PARD3: variants seen among roughly 807,000 people sequenced by gnomAD.
The protein encoded by PARD3 is par-3 family cell polarity regulator, also known as partitioning defective 3 homolog.
Under a neutral mutation model 155.4 loss-of-function variants are expected in PARD3, and 75 were observed. The ratio of observed to expected loss-of-function variants is 0.48; its 90% CI spans 0.40 to 0.58. The LOEUF (loss-of-function observed/expected upper bound fraction) is 0.58. Among genes scored for constraint, PARD3 ranks in the 20% least tolerant of loss-of-function variants. PARD3 has a pLI of 0.00. For missense variants in PARD3, 1,642 were observed against 1,721.7 expected (o/e 0.95, Z 0.82); for synonymous variants, 576 against 610.5 (o/e 0.94, Z 0.83).
chr10:34,383,802 T>C (rs1282156246), intron 8 of PARD3, among the ~76,000 whole-genome samples: 2 of 152,146 alleles, frequency 1.3e-5, no homozygotes, highest in Non-Finnish European at 2.9e-5. Flanking sequence ...AGAGAAACTG[T>C]GTGCAGCAAA....
At chr10:34,347,111 T>C (rs1204019195) in intron 15 of PARD3, among the ~76,000 whole-genome samples, 1 of 152,254 alleles carries the variant, frequency 6.6e-6, no homozygotes, top group Non-Finnish European at 1.5e-5. Context: ...GTACTCAAAA[T>C]GGAGTTAAAT....
At chr10:34,671,657 GGTAAAATGCTTGCCAAAATAAGATTATAT>G (rs1247317740) in intron 2 of PARD3, among the ~76,000 whole-genome samples, 3 of 152,056 alleles carry the variant, frequency 2.0e-5, no homozygotes, top group Admixed American at 2.0e-4. Flanking sequence ...AACTGAAAGG[GGTAAAATGCTTGCCAAAATAAGATTATAT>G]GTATTTCCAC....
chr10:34,509,742 T>C (rs1172822988), intron 3 of PARD3, among the ~76,000 whole-genome samples: 2 of 152,150 alleles, frequency 1.3e-5, no homozygotes, highest in Non-Finnish European at 2.9e-5. Context: ...ATAGCTCTTC[T>C]GCTTTGCAAA....
At chr10:34,144,518 A>T (rs1948360988) in intron 22 of PARD3, among the ~76,000 whole-genome samples, 1 of 152,240 alleles carries the variant, frequency 6.6e-6, no homozygotes, top group Admixed American at 6.5e-5. Context: ...GTAAGTTGCC[A>T]GTATGAATCT....
chr10:34,638,597 C>T (rs1319782296), intron 2 of PARD3, among the ~76,000 whole-genome samples: 1 of 152,236 alleles, frequency 6.6e-6, no homozygotes, highest in Non-Finnish European at 1.5e-5. Flanking sequence ...CAGGCTCACT[C>T]AGCTGCCAGC....
chr10:34,235,784 G>C (rs34667570), intron 22 of PARD3, among the ~76,000 whole-genome samples: 5 of 152,296 alleles, frequency 3.3e-5, no homozygotes, highest in Admixed American at 3.3e-4. Flanking sequence ...GCTTTTGCAT[G>C]TCTTTTATAT....
At position 34,666,217 on chromosome 10, in the gene PARD3, C is replaced by CAAA. The variant is rs72060788; in HGVS notation, c.222+30098_222+30100dup. ...CCTGGATGACAGAGCAAGATCTTAT[C>CAAA]AAAAAAAAAAAAGCCAATTCTCAAA... On this transcript the variant is annotated intron_variant, in intron 2 of 24. Coordinates refer to ENST00000374788, the MANE Select transcript of PARD3 (RefSeq NM_001184785.2). Among the ~76,000 whole-genome samples the CAAA allele has an allele frequency of 1.4e-3, 171 of 119,736 alleles. 1 individual carries two copies. Among genetic ancestry groups the CAAA allele is most frequent in the South Asian group, 9.8e-3 (35 of 3,562 alleles). 78.6% of individuals were successfully genotyped at this position (119,736 alleles called of 152,430 possible).
chr10:34,274,610 C>A (rs1345958720), intron 21 of PARD3, among the ~76,000 whole-genome samples: 1 of 152,080 alleles, frequency 6.6e-6, no homozygotes, highest in Non-Finnish European at 1.5e-5. Flanking sequence ...TCACATAAGT[C>A]TTGAAGTTTG....
intron 22 of PARD3, among the ~76,000 whole-genome samples, chr10:34,143,377 T>C (rs985637671): frequency 6.6e-6 from 1 of 152,186 alleles, no homozygotes; most frequent in Admixed American, 6.5e-5. Context: ...CAAAACCTGA[T>C]GGGTTTTGAT....
chr10:34,303,068 TTAAA>T (rs1564564361), intron 20 of PARD3, among the ~76,000 whole-genome samples: 1 of 47,436 alleles, frequency 2.1e-5, no homozygotes, highest in African/African-American at 1.1e-4. Flanking sequence ...AAACCAAGTT[TTAAA>T]AAAAAAAAAA....
At position 34,584,927 on chromosome 10, in the gene PARD3, G is replaced by C. The variant is rs79364035; in HGVS notation, c.223-67768C>G. 2.1e-3 allele frequency among the ~76,000 whole-genome samples: 318 copies of C among 152,138 alleles called. 1 individual carries two copies. Among genetic ancestry groups the C allele is most frequent in the African/African-American group, 7.3e-3 (301 of 41,512 alleles). ...TATCCATCCCCAGAAACATTAGTTA[G>C]CTTTTTGCAAAGACTTTTTTTTCAT... On this transcript the variant is annotated intron_variant, in intron 2 of 24. Coordinates refer to ENST00000374788, the MANE Select transcript of PARD3 (RefSeq NM_001184785.2).
chr10:34,640,679 A>G (rs1278521663), intron 2 of PARD3, among the ~76,000 whole-genome samples: 3 of 128,326 alleles, frequency 2.3e-5, no homozygotes, highest in Non-Finnish European at 4.7e-5. Flanking sequence ...ACTGTACTCC[A>G]GCTTGGACAA....
At position 34,317,205 on chromosome 10, in the gene PARD3, C is replaced by T. The variant is rs1958062583; in HGVS notation, c.2967G>A (p.Lys989=). ...TCTTCTTTTCTTTTCCAGTTTTATC[C>T]TTTTTTCTATCAGTCTTATCACCTT... is the stretch of plus-strand genomic sequence containing the variant. The part of the protein sequence containing the change: ...QEKGDKTDRK[K]DKTGKEKKKD... Residue 989 remains lysine (K), a synonymous_variant, in exon 20 of 25, where the codon AAG becomes AAA. Transcript: ENST00000374788. The T allele has an allele frequency of 3.1e-6, 5 of 1,613,252 alleles. No homozygotes were observed. Among genetic ancestry groups the T allele is most frequent in the Non-Finnish European group, 4.2e-6 (5 of 1,179,790 alleles).
At position 34,733,961 on chromosome 10, in the gene PARD3, T is replaced by A. The variant is rs2094864826; in HGVS notation, c.121-37542A>T. Among the ~76,000 whole-genome samples the A allele has an allele frequency of 5.3e-5, 8 of 151,684 alleles. No individual in the cohort carries two copies. The South Asian group carries it at 1.7e-3, about 31-fold the overall frequency. ...AAAATCAAAGCTGTTTTTTTTTTTT[T>A]ACCATAAGCAGTCATAGAAAGAACA... On this transcript the variant is annotated intron_variant, in intron 1 of 24. Coordinates refer to ENST00000374788, the MANE Select transcript of PARD3 (RefSeq NM_001184785.2).
At chr10:34,640,878 A>G (rs2092657977) in intron 2 of PARD3, among the ~76,000 whole-genome samples, 1 of 151,822 alleles carries the variant, frequency 6.6e-6, no homozygotes, top group Non-Finnish European at 1.5e-5. Context: ...TTTATGGGGG[A>G]AAAAAGGGAC....
intron 5 of PARD3, among the ~76,000 whole-genome samples, chr10:34,423,584 G>A (rs976524514): frequency 5.9e-5 from 9 of 151,914 alleles, no homozygotes; most frequent in African/African-American, 2.2e-4. Flanking sequence ...ATACATTTTT[G>A]TCAATTAAAA....
At chr10:34,483,012 C>T (rs1374457749) in intron 3 of PARD3, among the ~76,000 whole-genome samples, 1 of 151,530 alleles carries the variant, frequency 6.6e-6, no homozygotes, top group Non-Finnish European at 1.5e-5. Context: ...AAAAATTAGC[C>T]AGGTGTGGTG....
intron 3 of PARD3, among the ~76,000 whole-genome samples, chr10:34,507,731 T>A (rs2081174227): frequency 6.6e-6 from 1 of 152,160 alleles, no homozygotes; most frequent in Non-Finnish European, 1.5e-5. Flanking sequence ...AGCAATTTTG[T>A]ATCCCATCTC....
intron 2 of PARD3, among the ~76,000 whole-genome samples, chr10:34,639,488 G>A (rs2092598915): frequency 6.6e-6 from 1 of 152,198 alleles, no homozygotes; most frequent in Non-Finnish European, 1.5e-5. Context: ...CCGTTAGTGT[G>A]GTGGAGGATG....
Sources: allele counts gnomAD v4.1 joint callset (sites outside exome capture counted in the v4.1 genomes callset), GRCh38; gene constraint gnomAD v4.1.1; transcripts MANE v1.5; gene names NCBI Gene and HGNC (gene_info 2026-07-23, HGNC 2026-07-21).